The following XIST variants were observed in gnomAD, a reference collection of about 807,000 sequenced individuals.
XIST encodes the protein X inactive specific transcript, also known as X inactive specific transcript (non-protein coding).
intron 2 of XIST, among the ~76,000 whole-genome samples, chrX:73,836,312 A>G (rs1344729148): frequency 1.8e-5 from 2 of 112,196 alleles, no homozygotes; most frequent in Admixed American, 9.5e-5. Flanking sequence ...TGGCAGAAAC[A>G]TTTAGGGCAG....
Position 73,823,125 on chromosome X carries a change from G to A in XIST, n.16776C>T, listed in dbSNP as rs771793446. 6 of 555,168 alleles carry A rather than the reference G, an allele frequency of 1.1e-5. No individual in the cohort carries two copies. In the Admixed American group the frequency reaches 1.3e-4, roughly 12 times the overall value. 45.8% of individuals were successfully genotyped at this position (555,168 alleles called of 1,213,427 possible). On this transcript the variant is annotated non_coding_transcript_exon_variant, in exon 6 of 6. Transcript: ENST00000429829. Reference sequence around the variant, plus strand: ...TGAGCAAATACCTTTAAAACTAGTTGTTACATCTTGAACCATTTAACTGTA... The same window carrying A: ...TGAGCAAATACCTTTAAAACTAGTTATTACATCTTGAACCATTTAACTGTA...
rs755986806 is a variant in XIST, at chrX:73,826,060, A to C, written n.13841T>G. 5.4e-6 allele frequency: 3 copies of C among 557,321 alleles called. No homozygotes were observed. In the East Asian group the frequency reaches 9.8e-5, roughly 18 times the overall value. The allele number at this position is 557,321 out of a possible 1,213,427, so 45.9% of individuals were successfully genotyped here. A position where few individuals can be genotyped will look rare whatever the true frequency, so the allele number is the denominator to read the frequency against. ...TGGGACCTCGCTTTGTCCCAGGCAC[A>C]GTCACCCTTTCCATAACCATCACTA... On this transcript the variant is annotated non_coding_transcript_exon_variant, in exon 6 of 6. Transcript: ENST00000429829.
exon 1 of XIST, chrX:73,844,806 G>T (rs1569512407): frequency 1.8e-6 from 1 of 557,592 alleles, no homozygotes; most frequent in Admixed American, 2.2e-5. Context: ...GATAGGCCGT[G>T]TGCAGTTACA....
At chrX:73,829,436 C>T (rs771325372) in intron 4 of XIST, 3 of 356,681 alleles carry the variant, frequency 8.4e-6, no homozygotes, top group Admixed American at 4.5e-5. Flanking sequence ...AATGTCTTGC[C>T]AAATATCACT....
chrX:73,847,195 C>G (rs1477679945), exon 1 of XIST: 1 of 558,654 alleles, frequency 1.8e-6, no homozygotes, highest in Non-Finnish European at 3.2e-6. Context: ...CATTAACAGT[C>G]CAAGAGAGTG....
chrX:73,821,091 C>T (rs1384614634), exon 6 of XIST: 1 of 556,950 alleles, frequency 1.8e-6, no homozygotes, highest in African/African-American at 2.2e-5. Flanking sequence ...CATTCCCCAT[C>T]CCCAGCTGAA....
chrX:73,826,135 T>C, exon 6 of XIST: 1 of 559,261 alleles, frequency 1.8e-6, no homozygotes, highest in Non-Finnish European at 3.2e-6. Flanking sequence ...AGAAGGAAGC[T>C]GTTGCTGGCA....
chrX:73,848,804 G>C (rs1383723921), exon 1 of XIST: 1 of 556,665 alleles, frequency 1.8e-6, no homozygotes. Flanking sequence ...TGGCAAAGAG[G>C]ACATCCTAGA....
At chrX:73,825,522 T>G (rs772591858) in exon 6 of XIST, 2 of 515,531 alleles carry the variant, frequency 3.9e-6, no homozygotes. Flanking sequence ...AAAAGGAAAC[T>G]AGTAGTATTC....
exon 6 of XIST, chrX:73,823,768 A>T (rs776192818): frequency 7.2e-6 from 4 of 556,888 alleles, no homozygotes; most frequent in African/African-American, 2.2e-5. Context: ...GCCTTATATT[A>T]GTCCATTTGT....
At chrX:73,830,434 G>A (rs1046993468) in intron 4 of XIST, among the ~76,000 whole-genome samples, 4 of 112,073 alleles carry the variant, frequency 3.6e-5, no homozygotes, top group East Asian at 2.8e-4. Context: ...TTATTGCACC[G>A]AATGGTCACC....
exon 6 of XIST, chrX:73,824,502 A>G: frequency 1.8e-6 from 1 of 557,268 alleles, no homozygotes; most frequent in Non-Finnish European, 3.2e-6. Flanking sequence ...GTGAGTTCAC[A>G]TAGTAGGCAA....
At chrX:73,830,389 C>T (rs775212864) in intron 4 of XIST, among the ~76,000 whole-genome samples, 9 of 111,802 alleles carry the variant, frequency 8.0e-5, no homozygotes, top group Non-Finnish European at 1.5e-4. Context: ...CCACTATTTA[C>T]GAAGAATGCT....
chrX:73,822,770 T>C (rs753861924), exon 6 of XIST: 2 of 553,649 alleles, frequency 3.6e-6, no homozygotes, highest in Admixed American at 4.5e-5. Flanking sequence ...TCTTCATCAA[T>C]ACTCGTATGA....
At chrX:73,849,385 A>G in exon 1 of XIST, 1 of 558,906 alleles carries the variant, frequency 1.8e-6, no homozygotes. Context: ...AATGGGTAGG[A>G]TTATTGGCAA....
exon 6 of XIST, chrX:73,823,305 CTTTCTTT>C: frequency 4.6e-6 from 2 of 435,534 alleles, no homozygotes. Flanking sequence ...TTGCATTTTT[CTTTCTTT>C]TTTTTTTTTT....
exon 6 of XIST, chrX:73,821,396 G>A: frequency 1.8e-6 from 1 of 556,453 alleles, no homozygotes; most frequent in Non-Finnish European, 3.2e-6. Flanking sequence ...TCAGCTTTAA[G>A]ATAATCTTAT....
At chrX:73,848,148 C>T (rs771396748) in exon 1 of XIST, 8 of 556,542 alleles carry the variant, frequency 1.4e-5, no homozygotes, top group Non-Finnish European at 2.6e-5. Context: ...AGGGTGTGAG[C>T]AGTTGGGATC....
exon 6 of XIST, chrX:73,820,939 T>C (rs774024944): frequency 7.2e-6 from 4 of 557,912 alleles, no homozygotes. Flanking sequence ...AGCAGATTTA[T>C]TCATCACAAC....
Sources: allele counts gnomAD v4.1 joint callset (sites outside exome capture counted in the v4.1 genomes callset), GRCh38; gene constraint gnomAD v4.1.1; transcripts MANE v1.5; gene names NCBI Gene and HGNC (gene_info 2026-07-23, HGNC 2026-07-21).